The following ALKBH3 variants were observed in gnomAD, a reference collection of about 807,000 sequenced individuals.
ALKBH3 encodes the protein alpha-ketoglutarate-dependent dioxygenase alkB homolog 3.
In ALKBH3, 51 loss-of-function variants were observed where a neutral mutation model predicts 43.9. That is an observed-to-expected ratio of 1.16 (90% CI 0.93 to 1.47). The LOEUF (loss-of-function observed/expected upper bound fraction) is 1.47. ALKBH3 is among the 40% of genes most tolerant of loss of function. The probability of loss-of-function intolerance (pLI) is 0.00; values close to 1 mark genes in which losing one functional copy is unlikely to be tolerated. For synonymous variants in ALKBH3, 102 were observed against 115.2 expected, an observed-to-expected ratio of 0.89 and a Z score of 0.73; for missense variants, 361 against 351.9, an observed-to-expected ratio of 1.03 and a Z score of -0.21.
chr11:43,892,379 A>G (rs1202805042), intron 7 of ALKBH3, among the ~76,000 whole-genome samples: 1 of 152,168 alleles, frequency 6.6e-6, no homozygotes, highest in Non-Finnish European at 1.5e-5. Flanking sequence ...TTCTCCTAAT[A>G]TCCCTCTTTC....
chr11:43,901,527 G>A lies in ALKBH3; in HGVS notation c.471G>A (p.Val157=). 6.2e-7 allele frequency: 1 copy of A among 1,613,588 alleles called. No homozygotes were observed. The highest frequency in any genetic ancestry group is 8.5e-7 in the Non-Finnish European group (1 of 1,180,000). Residue 157 remains valine (V), a synonymous_variant, in exon 8 of 10, where the codon GTG becomes GTA. Transcript: ENST00000302708. ...TMEPNPHWHP[V]LRTLKNRIEE... is the part of the protein sequence containing the mutation. Reference sequence around the variant, plus strand: ...TCTGTGGATTGCAGTGGCACCCTGTGCTGCGCACACTAAAGAACCGCATTG... The same window carrying A: ...TCTGTGGATTGCAGTGGCACCCTGTACTGCGCACACTAAAGAACCGCATTG...
At chr11:43,918,957 T>C (rs1952004866) in intron 8 of ALKBH3, 81 bp from the exon 9 acceptor site, 27 of 817,444 alleles carry the variant, frequency 3.3e-5, no homozygotes, top group Middle Eastern at 3.4e-4. Flanking sequence ...GAGGTTTCCA[T>C]TTTTTTTTGA....
rs189996784 is a variant in ALKBH3 at position 43,887,999 on chromosome 11, G to A, written c.266+1346G>A. Among the ~76,000 whole-genome samples, 250 of 150,296 alleles carry A rather than the reference G, an allele frequency of 1.7e-3. 2 individuals carry two copies. Among genetic ancestry groups the A allele is most frequent in the African/African-American group, 5.8e-3 (239 of 40,858 alleles). On this transcript the variant is annotated intron_variant, in intron 5 of 9. Coordinates refer to ENST00000302708, the MANE Select transcript of ALKBH3 (RefSeq NM_139178.4). ...TTTTTAGTAGAGACGAGGTTTCACC[G>A]TGTTATTCAGCATGGTCTCGATCTC...
chr11:43,898,664 A>C, intron 7 of ALKBH3: 3 of 723,854 alleles, frequency 4.1e-6, no homozygotes, highest in Non-Finnish European at 5.1e-6. Flanking sequence ...CCTGATGTCA[A>C]AGTGCTGCGG....
intron 7 of ALKBH3, 41 bp downstream of exon 7, chr11:43,892,170 T>C (rs757231033): frequency 2.7e-6 from 4 of 1,496,654 alleles, no homozygotes; most frequent in East Asian, 4.5e-5. Flanking sequence ...TTATAGACTA[T>C]ATACTATGTG....
intron 6 of ALKBH3, among the ~76,000 whole-genome samples, chr11:43,891,674 A>G (rs374728864): frequency 1.3e-5 from 2 of 151,226 alleles, no homozygotes; most frequent in African/African-American, 4.8e-5. Flanking sequence ...TTGGTGCCAC[A>G]AATTTCTGCA....
In ALKBH3 at chr11:43,919,968, C is replaced by A; in HGVS notation, c.819C>A (p.Thr273=). ...CTAGAGAACCGAGAGTGAACCTGAC[C>A]TTTCGGACAGTCTATCCAGACCCTC... The part of the protein sequence containing the change: ...YHSREPRVNL[T]FRTVYPDPRG... Residue 273 remains threonine (T), a synonymous_variant, in exon 10 of 10, where the codon ACC becomes ACA. Coordinates refer to ENST00000302708, the MANE Select transcript of ALKBH3 (RefSeq NM_139178.4). 2 of 1,614,130 alleles carry A rather than the reference C, an allele frequency of 1.2e-6. No individual in the cohort carries two copies. Among genetic ancestry groups the A allele is most frequent in the East Asian group, 2.2e-5 (1 of 44,882 alleles).
intron 4 of ALKBH3, 113 bp from the exon 5 acceptor site, chr11:43,886,493 C>A: frequency 1.0e-6 from 1 of 967,452 alleles, no homozygotes; most frequent in South Asian, 1.5e-5. Context: ...TCTCTCATAA[C>A]TAAATGACTT....
At position 43,883,134 on chromosome 11, in the gene ALKBH3, G is replaced by T. The variant is rs769872970; in HGVS notation, c.129G>T (p.Lys43Asn). 3.0e-5 allele frequency: 49 copies of T among 1,614,008 alleles called. No individual in the cohort carries two copies. In the South Asian group the frequency reaches 5.3e-4, roughly 17 times the overall value. The change falls in exon 3 of 10, where the codon AAG becomes AAT. Residue 43 changes from lysine to asparagine, a missense_variant. Lys to Asn is a moderately conservative substitution (Grantham distance 94). Coordinates refer to ENST00000302708, the MANE Select transcript of ALKBH3 (RefSeq NM_139178.4). ...HLHQKPGQTW[K>N]NKEHHLSDRE... Reference sequence around the variant, plus strand: ...ACCAGAAGCCTGGCCAGACCTGGAAGAACAAAGAGCATCATCTCTCTGACA... The same window carrying T: ...ACCAGAAGCCTGGCCAGACCTGGAATAACAAAGAGCATCATCTCTCTGACA...
intron 8 of ALKBH3, chr11:43,918,747 C>T: frequency 3.3e-6 from 1 of 298,652 alleles, no homozygotes; most frequent in Non-Finnish European, 6.2e-6. Context: ...ATAGCTAGCA[C>T]TTACTGCATG....
At chr11:43,904,624 C>T (rs1376135297) in intron 8 of ALKBH3, among the ~76,000 whole-genome samples, 1 of 152,132 alleles carries the variant, frequency 6.6e-6, no homozygotes, top group Admixed American at 6.5e-5. Context: ...TAGCTAAACT[C>T]GAAGTGCAGA....
chr11:43,895,311 G>C (rs1646313554), intron 7 of ALKBH3, among the ~76,000 whole-genome samples: 1 of 152,182 alleles, frequency 6.6e-6, no homozygotes, highest in Non-Finnish European at 1.5e-5. Context: ...AATCATGGGG[G>C]CATTTTCCCC....
At chr11:43,919,575 A>G (rs1469032711) in intron 9 of ALKBH3, 2 of 301,960 alleles carry the variant, frequency 6.6e-6, no homozygotes, top group Non-Finnish European at 1.2e-5. Context: ...TGTTAATGTC[A>G]AAACACTTAC....
At chr11:43,914,728 A>C (rs1590382115) in intron 8 of ALKBH3, among the ~76,000 whole-genome samples, 1 of 152,234 alleles carries the variant, frequency 6.6e-6, no homozygotes, top group East Asian at 1.9e-4. Context: ...AAGTACAGTT[A>C]AAAGGCAAAT....
intron 9 of ALKBH3, 48 bp from the exon 10 acceptor site, chr11:43,919,870 A>G: frequency 6.6e-7 from 1 of 1,517,814 alleles, no homozygotes; most frequent in Non-Finnish European, 9.1e-7. Context: ...TTGAACTAAA[A>G]GTGTGTATGT....
chr11:43,883,977 T>A lies in ALKBH3; in HGVS notation c.184-6T>A. The A allele has an allele frequency of 6.2e-7, 1 of 1,613,786 alleles. No homozygotes were observed. Among genetic ancestry groups the A allele is most frequent in the Non-Finnish European group, 8.5e-7 (1 of 1,179,822 alleles). Reference sequence around the variant, plus strand: ...CCAGAAGTAAGATCCGCCTATTTCCTTGCAGGTAGTACGTAGAGCTCCTGA... The same window carrying A: ...CCAGAAGTAAGATCCGCCTATTTCCATGCAGGTAGTACGTAGAGCTCCTGA... On this transcript the variant is annotated splice_region_variant and splice_polypyrimidine_tract_variant and intron_variant, in intron 3 of 9. Transcript: ENST00000302708.
chr11:43,919,478 A>G, intron 9 of ALKBH3: 1 of 307,758 alleles, frequency 3.2e-6, no homozygotes, highest in Non-Finnish European at 6.0e-6. Flanking sequence ...AAATAGCTTC[A>G]GGGTAGCTAG....
At chr11:43,893,022 G>A (rs1554315) in intron 7 of ALKBH3, among the ~76,000 whole-genome samples, 127,317 of 152,194 alleles carry the variant, frequency 0.84, 54,118 homozygotes, top group East Asian at 0.98. Flanking sequence ...ATTTTGAAAC[G>A]TGGAGATAAT....
chr11:43,899,611 C>T (rs553005722), intron 7 of ALKBH3: 8 of 520,650 alleles, frequency 1.5e-5, no homozygotes, highest in East Asian at 7.4e-5. Flanking sequence ...CGCCCCTCCT[C>T]GGACAGCCAG....
Sources: allele counts gnomAD v4.1 joint callset (sites outside exome capture counted in the v4.1 genomes callset), GRCh38; gene constraint gnomAD v4.1.1; transcripts MANE v1.5; gene names NCBI Gene and HGNC (gene_info 2026-07-23, HGNC 2026-07-21).